The following LRGUK variants were observed in gnomAD, a reference collection of about 807,000 sequenced individuals.
LRGUK encodes leucine rich repeats and guanylate kinase domain containing.
A neutral mutation model predicts 76.0 loss-of-function variants in LRGUK; 65 were observed. That is an observed-to-expected ratio of 0.85 (90% CI 0.70 to 1.05). LRGUK has a LOEUF of 1.05. Ranked by LOEUF, LRGUK falls within the 50% of genes least tolerant of loss-of-function variation. The pLI, the probability that LRGUK is intolerant of heterozygous loss-of-function variation, is 0.00. For synonymous variants in LRGUK, 268 were observed against 265.6 expected (o/e 1.01, Z -0.09); for missense variants, 758 against 732.8 (o/e 1.03, Z -0.40).
chr7:134,261,390 G>A (rs937876808), intron 19 of LRGUK, among the ~76,000 whole-genome samples: 14 of 151,824 alleles, frequency 9.2e-5, no homozygotes, highest in East Asian at 3.9e-4. Context: ...AGATCATTTC[G>A]TATCTGATTA....
At chr7:134,238,374 GTCT>G (rs1802061686) in intron 16 of LRGUK, among the ~76,000 whole-genome samples, 1 of 152,062 alleles carries the variant, frequency 6.6e-6, no homozygotes, top group Admixed American at 6.6e-5. Flanking sequence ...TGTATGTTGA[GTCT>G]TCTTTATCTT....
At chr7:134,251,929 A>G (rs1012080185) in intron 18 of LRGUK, among the ~76,000 whole-genome samples, 2 of 152,156 alleles carry the variant, frequency 1.3e-5, no homozygotes, top group African/African-American at 4.8e-5. Flanking sequence ...TGTTGGCAAT[A>G]TTGGTCTCAG....
chr7:134,138,545 A>G (rs570141682), intron 2 of LRGUK, among the ~76,000 whole-genome samples: 1 of 152,208 alleles, frequency 6.6e-6, no homozygotes, highest in African/African-American at 2.4e-5. Flanking sequence ...TGCATTTCTC[A>G]TCATGCCAAG....
intron 16 of LRGUK, among the ~76,000 whole-genome samples, chr7:134,227,166 T>C (rs984464611): frequency 2.6e-5 from 4 of 152,154 alleles, no homozygotes; most frequent in Admixed American, 6.5e-5. Flanking sequence ...CTTATTCCTA[T>C]GGACTTTTGC....
chr7:134,178,138 T>C (rs781685403), intron 9 of LRGUK, among the ~76,000 whole-genome samples: 8 of 152,184 alleles, frequency 5.3e-5, no homozygotes, highest in Non-Finnish European at 8.8e-5. Flanking sequence ...TTTTCACATA[T>C]TAAAAGTTGG....
At position 134,147,261 on chromosome 7, in the gene LRGUK, AAACAAC is replaced by A. The variant is rs371044249; in HGVS notation, c.589-959_589-954del. 2.0e-4 allele frequency among the ~76,000 whole-genome samples: 30 copies of A among 151,412 alleles called. 1 individual carries two copies. Among genetic ancestry groups the A allele is most frequent in the Non-Finnish European group, 3.0e-5 (2 of 67,774 alleles). On this transcript the variant is annotated intron_variant, in intron 4 of 15. Coordinates refer to ENST00000645682, the Ensembl canonical transcript of LRGUK. ...GAAACCCTGTCTCTACTAAAAATAC[AAACAAC>A]AACAACAACAACAACAAAAAACCCG...
chr7:134,265,779 G>T (rs1802843737), downstream of LRGUK, among the ~76,000 whole-genome samples: 2 of 152,286 alleles, frequency 1.3e-5, no homozygotes, highest in Non-Finnish European at 1.5e-5. Flanking sequence ...CAATGTCATT[G>T]AAAGCCACTT....
chr7:134,257,798 T>C (rs113061430), intron 18 of LRGUK, among the ~76,000 whole-genome samples: 2 of 151,768 alleles, frequency 1.3e-5, no homozygotes, highest in African/African-American at 4.8e-5. Context: ...AATAAGACTC[T>C]GTCTCCAAAA....
intron 15 of LRGUK, among the ~76,000 whole-genome samples, chr7:134,219,981 T>C (rs1292431297): frequency 1.3e-5 from 2 of 152,188 alleles, no homozygotes; most frequent in Non-Finnish European, 2.9e-5. Flanking sequence ...TACTTGATAT[T>C]ATTTAACGTG....
At chr7:134,163,596 G>A in intron 7 of LRGUK, 56 bp downstream of exon 7, 1 of 1,510,126 alleles carries the variant, frequency 6.6e-7, no homozygotes, top group East Asian at 2.3e-5. Context: ...GGACATATTA[G>A]AGACTTAGCA....
the LRGUK span, among the ~76,000 whole-genome samples, chr7:134,273,876 A>C: frequency 4.3e-4 from 66 of 152,222 alleles, no homozygotes; most frequent in African/African-American, 1.6e-3. Context: ...AAGTGATTTA[A>C]TATTAATAAT....
chr7:134,226,130 A>C (rs1003772672), intron 16 of LRGUK, among the ~76,000 whole-genome samples: 1 of 151,808 alleles, frequency 6.6e-6, no homozygotes, highest in African/African-American at 2.4e-5. Flanking sequence ...TGGTGTCTTA[A>C]GTGTACATTG....
At chr7:134,178,926 CA>C (rs950815389) in intron 10 of LRGUK, among the ~76,000 whole-genome samples, 1 of 43,570 alleles carries the variant, frequency 2.3e-5, no homozygotes, top group African/African-American at 8.5e-5. Flanking sequence ...AGTGAAATCT[CA>C]AAAAAAAAAA....
chr7:134,216,812 G>A (rs1461037093), intron 15 of LRGUK, among the ~76,000 whole-genome samples: 1 of 152,130 alleles, frequency 6.6e-6, no homozygotes. Flanking sequence ...AGTGAAGAAA[G>A]ACAGAGAATG....
intron 12 of LRGUK, among the ~76,000 whole-genome samples, chr7:134,192,966 C>A (rs1800319999): frequency 6.6e-6 from 1 of 152,174 alleles, no homozygotes; most frequent in Non-Finnish European, 1.5e-5. Context: ...TCCCACCCCC[C>A]AAATAATGGA....
intron 4 of LRGUK, among the ~76,000 whole-genome samples, chr7:134,147,434 CAA>C (rs11431531): frequency 7.9e-5 from 8 of 101,866 alleles, no homozygotes; most frequent in Non-Finnish European, 5.8e-5. Context: ...GACTCCACCT[CAA>C]AAAAAAAAAA....
At chr7:134,162,029 AG>A (rs941547450) in intron 6 of LRGUK, among the ~76,000 whole-genome samples, 10 of 152,294 alleles carry the variant, frequency 6.6e-5, no homozygotes, top group Non-Finnish European at 5.9e-5. Flanking sequence ...AGATTGAGGA[AG>A]AAGACAACAT....
intron 12 of LRGUK, among the ~76,000 whole-genome samples, chr7:134,193,919 G>A (rs1800367609): frequency 6.6e-6 from 1 of 152,000 alleles, no homozygotes; most frequent in Admixed American, 6.6e-5. Context: ...ACATAGACCT[G>A]TACACCTTCC....
At chr7:134,263,957 C>T (rs1802806887) in exon 20 of LRGUK, 2 of 1,611,718 alleles carry the variant, frequency 1.2e-6, no homozygotes, top group African/African-American at 2.7e-5. Flanking sequence ...TCCCTCCAAT[C>T]CCTCAGGGCC....
Sources: allele counts gnomAD v4.1 joint callset (sites outside exome capture counted in the v4.1 genomes callset), GRCh38; gene constraint gnomAD v4.1.1; transcripts MANE v1.5; gene names NCBI Gene and HGNC (gene_info 2026-07-23, HGNC 2026-07-21).